Variants in USP47 observed in about 807,000 individuals in gnomAD.
The protein encoded by USP47 is ubiquitin specific peptidase 47.
USP47 carries 35 observed loss-of-function variants against 165.1 expected under a neutral mutation model. The ratio of observed to expected loss-of-function variants is 0.21; its 90% CI spans 0.16 to 0.28. The LOEUF (loss-of-function observed/expected upper bound fraction) is 0.28, where lower values mean the gene tolerates loss of function less well. Among genes scored for constraint, USP47 ranks in the 10% least tolerant of loss-of-function variants. The pLI is 1.00. For synonymous variants in USP47, 531 were observed against 544.5 expected, an observed-to-expected ratio of 0.98 and a Z score of 0.35; for missense variants, 1,277 against 1,607.4, an observed-to-expected ratio of 0.79 and a Z score of 3.52.
At position 11,961,629 on chromosome 11, in the gene USP47, G is replaced by C. The variant is rs993715324; in HGVS notation, c.*5454G>C. On this transcript the variant is annotated 3_prime_UTR_variant, in exon 28 of 28. Coordinates refer to ENST00000527733, the MANE Select transcript of USP47 (RefSeq NM_001282659.2). ...TCGCTTCCTGAGCACCATACTCAAA[G>C]GCAGGGGAAGTGGATGGAGGGCAGG... Among the ~76,000 whole-genome samples the C allele has an allele frequency of 6.6e-6, 1 of 152,236 alleles. No homozygotes were observed. The highest frequency in any genetic ancestry group is 1.5e-5 in the Non-Finnish European group (1 of 68,036).
intron 10 of USP47, among the ~76,000 whole-genome samples, chr11:11,922,323 T>C (rs1345483988): frequency 6.6e-6 from 1 of 151,988 alleles, no homozygotes; most frequent in Non-Finnish European, 1.5e-5. Flanking sequence ...TTGGACTTTT[T>C]GTTCAAGAAA....
chr11:11,929,304 G>T, intron 11 of USP47, 130 bp from the exon 12 acceptor site: 2 of 1,286,312 alleles, frequency 1.6e-6, no homozygotes, highest in Non-Finnish European at 2.1e-6. Flanking sequence ...TACCTTAGGG[G>T]AAAGTTGACC....
At chr11:11,912,035 G>T (rs1361616325) in intron 8 of USP47, among the ~76,000 whole-genome samples, 2 of 151,862 alleles carry the variant, frequency 1.3e-5, no homozygotes, top group Non-Finnish European at 2.9e-5. Context: ...TTAATGAAAA[G>T]TAAAACATAA....
intron 8 of USP47, among the ~76,000 whole-genome samples, chr11:11,908,033 A>T (rs1852691996): frequency 6.6e-6 from 1 of 152,156 alleles, no homozygotes; most frequent in Non-Finnish European, 1.5e-5. Flanking sequence ...GGCTGCAATG[A>T]GCTGAGATCG....
chr11:11,885,807 G>A (rs947012632), intron 3 of USP47, among the ~76,000 whole-genome samples: 6 of 152,178 alleles, frequency 3.9e-5, no homozygotes, highest in African/African-American at 1.4e-4. Context: ...CTCCCAACGG[G>A]TTTTCAGCAA....
intron 1 of USP47, among the ~76,000 whole-genome samples, chr11:11,877,803 CTCTGTGTGTG>C (rs1338842408): frequency 0.01 from 439 of 42,916 alleles, 5 homozygotes; most frequent in Admixed American, 0.022. Context: ...CTCTCTCTCT[CTCTGTGTGTG>C]TGTGTGTGTG....
chr11:11,937,830 A>G (rs989836836), intron 17 of USP47, among the ~76,000 whole-genome samples: 9 of 151,954 alleles, frequency 5.9e-5, no homozygotes, highest in Admixed American at 3.9e-4. Flanking sequence ...ATTAAGTACA[A>G]TGTTTGAAGA....
chr11:11,844,191 C>T lies in USP47; in HGVS notation c.39+1967C>T, dbSNP rs7940860. ...GACTTTTTTTTTCTTGCCTCTTCTG[C>T]TGTTCGAATTCTCTGCAGGATCTGA... On this transcript the variant is annotated intron_variant, in intron 1 of 27. Transcript: ENST00000527733. Among the ~76,000 whole-genome samples the T allele has an allele frequency of 2.7e-3, 410 of 152,146 alleles. 3 individuals are homozygous for T. The highest frequency in any genetic ancestry group is 9.3e-3 in the African/African-American group (384 of 41,492).
chr11:11,930,389 T>A lies in USP47; in HGVS notation c.1595+269T>A, dbSNP rs553814324. Among the ~76,000 whole-genome samples the A allele has an allele frequency of 2.0e-5, 3 of 152,306 alleles. No homozygotes were observed. The East Asian group carries it at 5.8e-4, about 29-fold the overall frequency. On this transcript the variant is annotated intron_variant, in intron 13 of 27. Transcript: ENST00000527733. ...CCTGCAAAGCCTGTGATTTTTACTATTTGGTCCTTGCTGGAAACAACTTGC... is the reference window on the plus strand; with the variant it reads ...CCTGCAAAGCCTGTGATTTTTACTAATTGGTCCTTGCTGGAAACAACTTGC...
chr11:11,900,298 C>T (rs888619983), intron 5 of USP47, among the ~76,000 whole-genome samples: 1 of 151,460 alleles, frequency 6.6e-6, no homozygotes, highest in Non-Finnish European at 1.5e-5. Context: ...GTAGCTGGGA[C>T]TACAGGCGCC....
rs771655573 is a variant in USP47, at chr11:11,948,140, G to C, written c.3267+20G>C. The C allele has an allele frequency of 4.9e-5, 78 of 1,590,758 alleles. No individual in the cohort carries two copies. Among genetic ancestry groups the C allele is most frequent in the Non-Finnish European group, 6.7e-5 (78 of 1,170,784 alleles). On this transcript the variant is annotated intron_variant, in intron 21 of 27. Coordinates refer to ENST00000527733, the MANE Select transcript of USP47 (RefSeq NM_001282659.2). ...AATAAGGTTGATTAAAATAATCTTC[G>C]AGTAGTTAGAGTCTATTTTAAATGA...
rs958169681 is a variant in USP47 at position 11,908,335 on chromosome 11, C to T, written c.969+2787C>T. ...ATTTCTTTTTTTAGAGATGGGGTCTCGCTGTGTTGACCAGGCTGGTCTCAA... is the reference window on the plus strand; with the variant it reads ...ATTTCTTTTTTTAGAGATGGGGTCTTGCTGTGTTGACCAGGCTGGTCTCAA... On this transcript the variant is annotated intron_variant, in intron 8 of 27. Coordinates refer to ENST00000527733, the MANE Select transcript of USP47 (RefSeq NM_001282659.2). 4.6e-5 allele frequency among the ~76,000 whole-genome samples: 7 copies of T among 151,852 alleles called. No individual in the cohort carries two copies. The South Asian group carries it at 1.0e-3, about 23-fold the overall frequency.
At chr11:11,896,838 A>G (rs1851877811) in intron 4 of USP47, among the ~76,000 whole-genome samples, 1 of 152,136 alleles carries the variant, frequency 6.6e-6, no homozygotes, top group Non-Finnish European at 1.5e-5. Flanking sequence ...TAAACCACCC[A>G]TGCATACACG....
At chr11:11,897,353 T>C (rs968627443) in intron 4 of USP47, among the ~76,000 whole-genome samples, 1 of 151,992 alleles carries the variant, frequency 6.6e-6, no homozygotes, top group Non-Finnish European at 1.5e-5. Flanking sequence ...TCATATAATC[T>C]CCATGTGTAC....
chr11:11,859,648 A>T (rs566161441), intron 1 of USP47, among the ~76,000 whole-genome samples: 1 of 152,316 alleles, frequency 6.6e-6, no homozygotes, highest in African/African-American at 2.4e-5. Context: ...AAATTTAAAT[A>T]TTGAAATTTT....
Position 11,936,391 on chromosome 11 carries a change from AAGG to A in USP47, c.1961_1963del (p.Gly654del), listed in dbSNP as rs1855068920. On this transcript the variant is annotated inframe_deletion, in exon 17 of 28. Coordinates refer to ENST00000527733, the MANE Select transcript of USP47 (RefSeq NM_001282659.2). Reference sequence around the variant, plus strand: ...CATGATTATCTAGAACGGTCATATGAAGGAGAAGAAGATACACCAATGGGGCTT... The same window carrying A: ...CATGATTATCTAGAACGGTCATATGAAGAAGAAGATACACCAATGGGGCTT... 1 of 1,610,530 alleles carries A rather than the reference AAGG, an allele frequency of 6.2e-7. No homozygotes were observed. The highest frequency in any genetic ancestry group is 8.5e-7 in the Non-Finnish European group (1 of 1,177,752).
chr11:11,873,998 A>C lies in USP47; in HGVS notation c.40-6179A>C, dbSNP rs1186451570. On this transcript the variant is annotated intron_variant, in intron 1 of 27. Transcript: ENST00000527733. ...TTTATTTCTACCCAATTTTAATAAT[A>C]AAAAAGTCACCTTAAATGAATTTGT... is the stretch of plus-strand genomic sequence containing the variant. 8.7e-6 allele frequency: 4 copies of C among 461,932 alleles called. No homozygotes were observed. The East Asian group carries it at 1.4e-4, about 17-fold the overall frequency. 28.6% of individuals were successfully genotyped at this position (461,932 alleles called of 1,614,324 possible). A position where few individuals can be genotyped will look rare whatever the true frequency, so the allele number is the denominator to read the frequency against.
intron 4 of USP47, among the ~76,000 whole-genome samples, chr11:11,892,598 C>G (rs1851601442): frequency 6.6e-6 from 1 of 150,540 alleles, no homozygotes; most frequent in Non-Finnish European, 1.5e-5. Flanking sequence ...ATTGCTTGAG[C>G]CCGGGAGTTG....
At chr11:11,923,859 A>G (rs985584314) in intron 11 of USP47, among the ~76,000 whole-genome samples, 8 of 152,254 alleles carry the variant, frequency 5.3e-5, no homozygotes, top group Non-Finnish European at 7.3e-5. Flanking sequence ...ATTGTAACTG[A>G]GTATAGAAAC....
Sources: allele counts gnomAD v4.1 joint callset (sites outside exome capture counted in the v4.1 genomes callset), GRCh38; gene constraint gnomAD v4.1.1; transcripts MANE v1.5; gene names NCBI Gene and HGNC (gene_info 2026-07-23, HGNC 2026-07-21).